Variants in HERC4 observed in about 807,000 individuals in gnomAD.
HERC4 encodes the protein probable E3 ubiquitin-protein ligase HERC4.
HERC4 carries 28 observed loss-of-function variants against 124.3 expected under a neutral mutation model. That is an observed-to-expected ratio of 0.23 (90% CI 0.17 to 0.31). The LOEUF (loss-of-function observed/expected upper bound fraction) is 0.31, where lower values mean the gene tolerates loss of function less well. Among genes scored for constraint, HERC4 ranks in the 10% least tolerant of loss-of-function variants. HERC4 has a pLI of 1.00. For synonymous variants in HERC4, 407 were observed against 421.5 expected, an observed-to-expected ratio of 0.97 and a Z score of 0.42; for missense variants, 713 against 1,229.3, an observed-to-expected ratio of 0.58 and a Z score of 6.28.
At chr10:68,069,894 T>A in intron 3 of HERC4, 1 of 409,972 alleles carries the variant, frequency 2.4e-6, no homozygotes, top group Non-Finnish European at 3.3e-6. Flanking sequence ...TATAAAAAAT[T>A]ACCCGGGCAT....
At chr10:68,020,596 C>T (rs1446717291) in intron 8 of HERC4, among the ~76,000 whole-genome samples, 2 of 151,676 alleles carry the variant, frequency 1.3e-5, no homozygotes, top group African/African-American at 4.8e-5. Context: ...GGTGAAACCC[C>T]GTCTCTACTA....
intron 8 of HERC4, among the ~76,000 whole-genome samples, chr10:68,022,026 A>G (rs2038655120): frequency 6.6e-6 from 1 of 152,204 alleles, no homozygotes; most frequent in South Asian, 2.1e-4. Flanking sequence ...AGGAAATAAA[A>G]TTTTATTTAA....
intron 11 of HERC4, among the ~76,000 whole-genome samples, chr10:67,991,559 C>A (rs1440758202): frequency 6.6e-6 from 1 of 152,052 alleles, no homozygotes; most frequent in Non-Finnish European, 1.5e-5. Flanking sequence ...ATCTGGGATG[C>A]CTTTGGGATT....
chr10:67,954,462 A>G (rs990253546), intron 19 of HERC4, 133 bp downstream of exon 19: 11 of 640,592 alleles, frequency 1.7e-5, no homozygotes, highest in Non-Finnish European at 2.6e-5. Flanking sequence ...ATAATTTCTC[A>G]AATTGTAATA....
At chr10:67,970,646 AG>A (rs1453349366) in intron 15 of HERC4, among the ~76,000 whole-genome samples, 2 of 152,078 alleles carry the variant, frequency 1.3e-5, no homozygotes. Context: ...CTAGAGACAA[AG>A]CAATCAACAG....
At chr10:67,975,350 A>G (rs1564494690) in intron 15 of HERC4, among the ~76,000 whole-genome samples, 1 of 152,160 alleles carries the variant, frequency 6.6e-6, no homozygotes, top group Non-Finnish European at 1.5e-5. Context: ...GCATTTAAGA[A>G]AGTAACCAAG....
intron 15 of HERC4, among the ~76,000 whole-genome samples, chr10:67,973,045 T>C (rs552244959): frequency 2.1e-4 from 32 of 152,230 alleles, no homozygotes; most frequent in African/African-American, 5.3e-4. Flanking sequence ...AAAAAGAATA[T>C]ACACACACAT....
At chr10:67,994,910 G>A (rs552103933) in intron 9 of HERC4, 57 of 170,520 alleles carry the variant, frequency 3.3e-4, no homozygotes, top group African/African-American at 7.9e-4. Flanking sequence ...GGCTGGTCTC[G>A]AACTCCTGAC....
At chr10:67,966,478 G>T (rs937776031) in intron 16 of HERC4, 4 of 440,284 alleles carry the variant, frequency 9.1e-6, no homozygotes, top group Non-Finnish European at 1.2e-5. Flanking sequence ...CATTTCTTTG[G>T]TTTGGCTTTG....
rs772375210 is a variant in HERC4, at chr10:67,956,862, T to C, written c.2025+16A>G. ...GAAACAATTAAAAAAAAAAACCCTC[T>C]CAAATAATATTTTACCTGCATCTGT... On this transcript the variant is annotated intron_variant, in intron 17 of 24. Coordinates refer to ENST00000373700, the MANE Select transcript of HERC4 (RefSeq NM_015601.4). 3.4e-6 allele frequency: 5 copies of C among 1,478,704 alleles called. No individual in the cohort carries two copies. In the East Asian group the frequency reaches 6.9e-5, roughly 20 times the overall value. The allele number at this position is 1,478,704 out of a possible 1,614,324, so 91.6% of individuals were successfully genotyped here.
intron 9 of HERC4, chr10:67,995,366 G>A (rs2036808708): frequency 8.0e-6 from 2 of 251,282 alleles, no homozygotes; most frequent in Non-Finnish European, 1.6e-5. Flanking sequence ...CTATTATATA[G>A]TTATCTTATA....
intron 3 of HERC4, chr10:68,067,806 T>C (rs2041369516): frequency 6.6e-6 from 1 of 152,140 alleles, no homozygotes; most frequent in Non-Finnish European, 1.5e-5. Context: ...TAAACCACAA[T>C]AAATTTTATC....
chr10:67,968,788 A>G (rs894412128), intron 15 of HERC4, among the ~76,000 whole-genome samples: 1 of 152,220 alleles, frequency 6.6e-6, no homozygotes, highest in Non-Finnish European at 1.5e-5. Flanking sequence ...ATCCAAAAAC[A>G]GCAGAGCTTG....
At chr10:68,062,178 A>G (rs2041060186) in intron 3 of HERC4, among the ~76,000 whole-genome samples, 1 of 152,152 alleles carries the variant, frequency 6.6e-6, no homozygotes, top group South Asian at 2.1e-4. Context: ...CCCACTTACA[A>G]TACTACATTT....
At chr10:67,998,634 CT>C (rs1178762166) in intron 9 of HERC4, among the ~76,000 whole-genome samples, 2 of 151,544 alleles carry the variant, frequency 1.3e-5, no homozygotes, top group Non-Finnish European at 2.9e-5. Flanking sequence ...CACAACCTTA[CT>C]GCTCTAATTC....
intron 23 of HERC4, 70 bp from the exon 24 acceptor site, chr10:67,925,257 C>T: frequency 1.2e-6 from 1 of 839,856 alleles, no homozygotes; most frequent in Non-Finnish European, 1.9e-6. Context: ...ATAAAGCTAA[C>T]ATGGTCCAGT....
intron 16 of HERC4, among the ~76,000 whole-genome samples, chr10:67,959,715 A>C (rs982769135): frequency 1.3e-5 from 2 of 152,234 alleles, no homozygotes; most frequent in Non-Finnish European, 2.9e-5. Flanking sequence ...AAAGTACAGG[A>C]CAGGGAAAAA....
At chr10:67,985,444 C>T (rs1314478403) in intron 15 of HERC4, among the ~76,000 whole-genome samples, 1 of 152,160 alleles carries the variant, frequency 6.6e-6, no homozygotes, top group African/African-American at 2.4e-5. Flanking sequence ...GATTATAACA[C>T]TTTTATTTCA....
At chr10:68,020,787 T>C (rs1391992393) in intron 8 of HERC4, among the ~76,000 whole-genome samples, 4 of 145,214 alleles carry the variant, frequency 2.8e-5, no homozygotes, top group Non-Finnish European at 6.0e-5. Context: ...AAAAAAAAAG[T>C]TTGGAGTTGG....
Sources: gnomAD v4.1 joint callset for allele counts (sites outside exome capture counted in the v4.1 genomes callset) on GRCh38, gnomAD v4.1.1 for gene constraint, MANE v1.5 for transcripts, NCBI Gene and HGNC (gene_info 2026-07-23, HGNC 2026-07-21) for gene names.